Variants in ASTN2 observed in about 807,000 individuals in gnomAD.
ASTN2 encodes the protein astrotactin-2.
ASTN2 carries 54 observed loss-of-function variants against 139.8 expected under a neutral mutation model. That is an observed-to-expected ratio of 0.39 (90% confidence interval 0.31 to 0.48). The LOEUF is 0.48. ASTN2 is among the 20% of genes least tolerant of loss of function. The probability of loss-of-function intolerance (pLI) is 0.95; values close to 1 mark genes in which losing one functional copy is unlikely to be tolerated. For synonymous variants in ASTN2, 756 were observed against 719.5 expected, an observed-to-expected ratio of 1.05 and a Z score of -0.81; for missense variants, 1,565 against 1,725.1, an observed-to-expected ratio of 0.91 and a Z score of 1.64.
intron 1 of ASTN2, among the ~76,000 whole-genome samples, chr9:117,396,433 A>G (rs78300212): frequency 0.014 from 2,076 of 152,310 alleles, 44 homozygotes; most frequent in African/African-American, 0.047. Flanking sequence ...CAGGAAGCCA[A>G]TTTGTTTTCC....
At chr9:117,162,535 A>G (rs958333824) in intron 3 of ASTN2, among the ~76,000 whole-genome samples, 1 of 152,072 alleles carries the variant, frequency 6.6e-6, no homozygotes, top group Admixed American at 6.6e-5. Context: ...AAGAGCTACT[A>G]AAAACAAGGA....
intron 20 of ASTN2, among the ~76,000 whole-genome samples, chr9:116,484,349 G>A (rs1057465960): frequency 2.0e-4 from 30 of 152,174 alleles, no homozygotes; most frequent in Admixed American, 8.5e-4. Flanking sequence ...GTCTCATAGA[G>A]CAGTGAAAAA....
At chr9:117,005,747 CTCTCTCTCTCTG>C (rs941394898) in intron 7 of ASTN2, among the ~76,000 whole-genome samples, 11 of 152,152 alleles carry the variant, frequency 7.2e-5, no homozygotes, top group African/African-American at 2.2e-4. Flanking sequence ...CTCTCTCTCT[CTCTCTCTCTCTG>C]TCTCTCTCTC....
At chr9:116,711,577 T>C (rs1828164472) in intron 16 of ASTN2, among the ~76,000 whole-genome samples, 1 of 152,184 alleles carries the variant, frequency 6.6e-6, no homozygotes, top group Non-Finnish European at 1.5e-5. Flanking sequence ...TTGCCAGTTG[T>C]ATATACCTTA....
At chr9:116,944,526 CA>C (rs1338181455) in intron 10 of ASTN2, among the ~76,000 whole-genome samples, 1 of 151,516 alleles carries the variant, frequency 6.6e-6, no homozygotes, top group African/African-American at 2.4e-5. Context: ...ACTAAAAATA[CA>C]AAAATTGGCT....
At chr9:116,979,343 A>C (rs1836444718) in intron 7 of ASTN2, among the ~76,000 whole-genome samples, 1 of 152,146 alleles carries the variant, frequency 6.6e-6, no homozygotes, top group Non-Finnish European at 1.5e-5. Context: ...GGGCTTGCTC[A>C]CAGGTAGGAA....
intron 13 of ASTN2, among the ~76,000 whole-genome samples, chr9:116,736,986 C>CTTTTT (rs1828942937): frequency 6.6e-6 from 1 of 152,202 alleles, no homozygotes; most frequent in Non-Finnish European, 1.5e-5. Flanking sequence ...CAGGACACCC[C>CTTTTT]TTCTCGGAGG....
rs12237364 is a variant in ASTN2 at position 117,363,060 on chromosome 9, G to A, written c.442+51437C>T. On this transcript the variant is annotated intron_variant, in intron 1 of 22. Transcript: ENST00000313400. ...CTTTTACAATGACCAAAATACCCCT[G>A]ATGCCAGCCTGCAATGCCTCATTGC... 0.015 allele frequency among the ~76,000 whole-genome samples: 2,217 copies of A among 152,134 alleles called. 132 individuals carry two copies. The East Asian group carries it at 0.19, about 13-fold the overall frequency.
intron 19 of ASTN2, among the ~76,000 whole-genome samples, chr9:116,555,297 C>A (rs1163563419): frequency 6.6e-6 from 1 of 152,124 alleles, no homozygotes; most frequent in Non-Finnish European, 1.5e-5. Flanking sequence ...TGCTCCCTGG[C>A]CAAGAAGAGA....
At chr9:116,594,826 T>G (rs1039301910) in intron 19 of ASTN2, among the ~76,000 whole-genome samples, 3 of 152,178 alleles carry the variant, frequency 2.0e-5, no homozygotes, top group Admixed American at 1.3e-4. Flanking sequence ...AGTCTTCCCA[T>G]GATTTCTGTC....
intron 19 of ASTN2, among the ~76,000 whole-genome samples, chr9:116,521,559 G>A (rs1042273374): frequency 1.3e-5 from 2 of 151,920 alleles, no homozygotes; most frequent in Non-Finnish European, 2.9e-5. Context: ...GATAACATTG[G>A]ACTAAGAAAA....
At chr9:116,774,097 T>C (rs1048155324) in intron 13 of ASTN2, among the ~76,000 whole-genome samples, 33 of 152,210 alleles carry the variant, frequency 2.2e-4, no homozygotes, top group African/African-American at 7.7e-4. Context: ...TTCCTATACA[T>C]GAAACTGACA....
At chr9:116,651,844 A>G in intron 16 of ASTN2, 51 bp from the exon 17 acceptor site, 1 of 1,588,520 alleles carries the variant, frequency 6.3e-7, no homozygotes, top group Non-Finnish European at 8.6e-7. Context: ...GGATTATTCA[A>G]AAGGCCAGAC....
chr9:116,563,078 A>G (rs1853000089), intron 19 of ASTN2, among the ~76,000 whole-genome samples: 1 of 152,044 alleles, frequency 6.6e-6, no homozygotes, highest in African/African-American at 2.4e-5. Flanking sequence ...AGATTAGGTA[A>G]GAATTCTCCC....
At chr9:117,171,072 G>T (rs373228599) in intron 3 of ASTN2, among the ~76,000 whole-genome samples, 1 of 152,114 alleles carries the variant, frequency 6.6e-6, no homozygotes, top group East Asian at 1.9e-4. Flanking sequence ...AGCTCTCAGC[G>T]ACATCCCATA....
intron 19 of ASTN2, among the ~76,000 whole-genome samples, chr9:116,498,424 AAAAAC>A (rs368154159): frequency 0.054 from 6,810 of 127,076 alleles, 470 homozygotes; most frequent in African/African-American, 0.17. Context: ...ATCTCTAAAA[AAAAAC>A]AAAAAACAAA....
At chr9:117,394,448 A>C (rs1830621289) in intron 1 of ASTN2, among the ~76,000 whole-genome samples, 1 of 152,216 alleles carries the variant, frequency 6.6e-6, no homozygotes, top group Non-Finnish European at 1.5e-5. Context: ...TTGCAGGCAG[A>C]GGATGAGATA....
intron 16 of ASTN2, among the ~76,000 whole-genome samples, chr9:116,709,324 G>A (rs1588229967): frequency 6.6e-6 from 1 of 152,300 alleles, no homozygotes; most frequent in East Asian, 1.9e-4. Flanking sequence ...GGAAGCCCTT[G>A]CAATCAACAG....
intron 1 of ASTN2, among the ~76,000 whole-genome samples, chr9:117,410,487 G>A (rs918121571): frequency 3.9e-5 from 6 of 152,162 alleles, no homozygotes; most frequent in African/African-American, 1.4e-4. Context: ...CAAGTTCATA[G>A]AATCTTTACA....
Sources: gnomAD v4.1 joint callset for allele counts (sites outside exome capture counted in the v4.1 genomes callset) on GRCh38, gnomAD v4.1.1 for gene constraint, MANE v1.5 for transcripts, NCBI Gene and HGNC (gene_info 2026-07-23, HGNC 2026-07-21) for gene names.